The following TFAP4 variants were observed in gnomAD, a reference collection of about 807,000 sequenced individuals.
The protein encoded by TFAP4 is activating enhancer-binding protein 4.
TFAP4 carries 7 observed loss-of-function variants against 40.4 expected under a neutral mutation model. The ratio of observed to expected loss-of-function variants is 0.17; its 90% CI spans 0.10 to 0.33. The LOEUF is 0.33. Ranked by LOEUF, TFAP4 falls within the 10% of genes least tolerant of loss-of-function variation. The pLI is 1.00. For missense variants in TFAP4, 374 were observed against 451.1 expected, an observed-to-expected ratio of 0.83 and a Z score of 1.55; for synonymous variants, 218 against 181.4, an observed-to-expected ratio of 1.20 and a Z score of -1.62.
In TFAP4 at chr16:4,262,696, G is replaced by C. The variant is rs762601421; in HGVS notation, c.95C>G (p.Ala32Gly). 6.2e-7 allele frequency: 1 copy of C among 1,608,164 alleles called. No homozygotes were observed. Among genetic ancestry groups the C allele is most frequent in the Non-Finnish European group, 8.5e-7 (1 of 1,179,882 alleles). Residue 32 changes from alanine (A) to glycine (G), a missense_variant, in exon 2 of 7, where the codon GCC (alanine) becomes GGC (glycine). By Grantham distance (60) the Ala-to-Gly change is moderately conservative. Around this residue, in one of 6 missense-constraint regions of TFAP4, gnomAD observed 51 missense variants for 59.3 expected, o/e 0.86. Transcript: ENST00000204517. ...AGTCTCGGGGGTTAGTGGAATGTTG[G>C]CAAGGCTGCCAGAGAGGACAGGGAC... ...KEVIGGLCSL[A>G]NIPLTPETQR...
At chr16:4,263,485 T>C (rs1487320451) in intron 1 of TFAP4, 5 of 152,234 alleles carry the variant, frequency 3.3e-5, no homozygotes, top group Non-Finnish European at 7.3e-5. Flanking sequence ...ACCCCAGGAC[T>C]GAGGAAGACG....
chr16:4,270,528 C>G (rs1434503847), intron 1 of TFAP4, among the ~76,000 whole-genome samples: 1 of 152,216 alleles, frequency 6.6e-6, no homozygotes, highest in Non-Finnish European at 1.5e-5. Flanking sequence ...GTAAACAAAT[C>G]CAGGGACCCC....
At chr16:4,260,358 G>A (rs2052935846) in intron 5 of TFAP4, 97 bp downstream of exon 5, 1 of 1,504,960 alleles carries the variant, frequency 6.6e-7, no homozygotes. Context: ...ATATTAAGAA[G>A]CAGAGAGGAC....
intron 1 of TFAP4, among the ~76,000 whole-genome samples, chr16:4,268,395 C>A (rs2053014304): frequency 6.6e-6 from 1 of 152,104 alleles, no homozygotes. Context: ...AGGGGGTCTA[C>A]AAGACCTTTT....
chr16:4,260,720 C>A (rs1172349852), intron 4 of TFAP4, 125 bp from the exon 5 acceptor site: 3 of 1,140,204 alleles, frequency 2.6e-6, no homozygotes, highest in East Asian at 2.9e-5. Context: ...TCAACAGAGG[C>A]CAGAAGCCTT....
At chr16:4,259,541 T>C (rs1057345940) in intron 6 of TFAP4, among the ~76,000 whole-genome samples, 4 of 152,176 alleles carry the variant, frequency 2.6e-5, no homozygotes, top group African/African-American at 9.7e-5. Context: ...TTCGAGGAGA[T>C]TGATGGATTT....
At position 4,262,442 on chromosome 16, in the gene TFAP4, G is replaced by C. The variant is rs780975353; in HGVS notation, c.256-20C>G. 5.0e-6 allele frequency: 8 copies of C among 1,613,828 alleles called. No individual in the cohort carries two copies. Among genetic ancestry groups the C allele is most frequent in the East Asian group, 2.2e-5 (1 of 44,890 alleles). Reference sequence around the variant, plus strand: ...GGCTGCCTGAGGGCGTGGAAAAGCCGAGAGTCAGGCTGGCAGTGTTTACCA... The same window carrying C: ...GGCTGCCTGAGGGCGTGGAAAAGCCCAGAGTCAGGCTGGCAGTGTTTACCA... On this transcript the variant is annotated intron_variant, in intron 2 of 6. Coordinates refer to ENST00000204517, the MANE Select transcript of TFAP4 (RefSeq NM_003223.3).
intron 1 of TFAP4, chr16:4,265,353 C>T (rs1332886294): frequency 1.3e-5 from 2 of 152,310 alleles, no homozygotes; most frequent in East Asian, 3.9e-4. Flanking sequence ...GTGGCTCACA[C>T]CTATAATCCT....
intron 1 of TFAP4, among the ~76,000 whole-genome samples, chr16:4,269,680 C>G (rs917086821): frequency 6.7e-6 from 1 of 148,334 alleles, no homozygotes; most frequent in Non-Finnish European, 1.5e-5. Context: ...CATGGTGGAG[C>G]GGGCCTGTAG....
intron 1 of TFAP4, among the ~76,000 whole-genome samples, chr16:4,270,959 CAA>C (rs1328976647): frequency 2.6e-5 from 4 of 152,252 alleles, no homozygotes; most frequent in Admixed American, 6.5e-5. Flanking sequence ...TAAGCGGAAT[CAA>C]AAGACACTTT....
chr16:4,272,424 G>GC (rs955738068), intron 1 of TFAP4, among the ~76,000 whole-genome samples: 10 of 152,192 alleles, frequency 6.6e-5, no homozygotes, highest in African/African-American at 2.4e-4. Flanking sequence ...GTCGCGACTC[G>GC]CCCGCCTGCA....
chr16:4,270,942 G>A (rs1202875480), intron 1 of TFAP4, among the ~76,000 whole-genome samples: 11 of 152,212 alleles, frequency 7.2e-5, no homozygotes, highest in Admixed American at 5.2e-4. Context: ...CTCTGTGTCC[G>A]CCTCTTTAAG....
At chr16:4,267,463 T>A (rs1312393618) in intron 1 of TFAP4, among the ~76,000 whole-genome samples, 1 of 152,244 alleles carries the variant, frequency 6.6e-6, no homozygotes, top group Non-Finnish European at 1.5e-5. Flanking sequence ...CCTTGGATGC[T>A]AAGGCAAGAG....
chr16:4,271,440 A>G (rs251734), intron 1 of TFAP4, among the ~76,000 whole-genome samples: 85,817 of 152,112 alleles, frequency 0.56, 24,554 homozygotes, highest in East Asian at 0.8. Flanking sequence ...CACGCCGTAG[A>G]ACGCCCACCT....
At chr16:4,268,778 G>T (rs2141096962) in intron 1 of TFAP4, among the ~76,000 whole-genome samples, 1 of 152,030 alleles carries the variant, frequency 6.6e-6, no homozygotes, top group African/African-American at 2.4e-5. Context: ...ATTTTTAGTA[G>T]AAACAGGGTT....
In TFAP4 at chr16:4,260,070, CCT is replaced by C. The variant is rs756610300; in HGVS notation, c.822+18_822+19del. ...CGGAGTATGACCCCCACAAGCTGCCCCTTTCTCAAGCTCAGGTACCTGCACGA... is the reference window on the plus strand; with the variant it reads ...CGGAGTATGACCCCCACAAGCTGCCCTTCTCAAGCTCAGGTACCTGCACGA... On this transcript the variant is annotated intron_variant, in intron 6 of 6. Transcript: ENST00000204517. 38 of 1,604,408 alleles carry C rather than the reference CCT, an allele frequency of 2.4e-5. No individual in the cohort carries two copies. The South Asian group carries it at 3.8e-4, about 16-fold the overall frequency.
intron 1 of TFAP4, 152 bp from the exon 2 acceptor site, chr16:4,262,853 G>A: frequency 1.2e-6 from 1 of 844,888 alleles, no homozygotes; most frequent in East Asian, 2.6e-5. Flanking sequence ...GGGACACCGG[G>A]GCGGACTGAA....
intron 1 of TFAP4, chr16:4,265,487 A>G (rs936660294): frequency 1.3e-5 from 2 of 151,834 alleles, no homozygotes; most frequent in Non-Finnish European, 2.9e-5. Flanking sequence ...GAGTGTCCCT[A>G]TTGTTCCAGC....
At chr16:4,272,016 G>GGCGA (rs933986034) in intron 1 of TFAP4, among the ~76,000 whole-genome samples, 14 of 151,726 alleles carry the variant, frequency 9.2e-5, no homozygotes, top group African/African-American at 2.7e-4. Flanking sequence ...GGCGCGGGCG[G>GGCGA]GCGAGCGAGC....
Sources: allele counts gnomAD v4.1 joint callset (sites outside exome capture counted in the v4.1 genomes callset), GRCh38; gene constraint gnomAD v4.1.1; regional missense constraint gnomAD v4.1.1; transcripts MANE v1.5; gene names NCBI Gene and HGNC (gene_info 2026-07-23, HGNC 2026-07-21).